Variants in INPP4B observed in about 807,000 individuals in gnomAD.
INPP4B encodes inositol polyphosphate 4-phosphatase type II.
INPP4B carries 55 observed loss-of-function variants against 122.5 expected under a neutral mutation model. The ratio of observed to expected loss-of-function variants is 0.45; its 90% CI spans 0.36 to 0.56. INPP4B has a LOEUF of 0.56. Among genes scored for constraint, INPP4B ranks in the 20% least tolerant of loss-of-function variants. INPP4B has a pLI of 0.00. For synonymous variants in INPP4B, 403 were observed against 388.7 expected (o/e 1.04, Z -0.43); for missense variants, 1,000 against 1,097.7 (o/e 0.91, Z 1.26).
intron 7 of INPP4B, among the ~76,000 whole-genome samples, chr4:142,364,347 A>G (rs1037427226): frequency 1.3e-5 from 2 of 151,962 alleles, no homozygotes; most frequent in African/African-American, 4.8e-5. Flanking sequence ...GAGAAAGAAG[A>G]CTTTGAAGAG....
chr4:142,154,858 G>A (rs1361866975), intron 17 of INPP4B, among the ~76,000 whole-genome samples: 2 of 152,060 alleles, frequency 1.3e-5, no homozygotes, highest in African/African-American at 4.8e-5. Flanking sequence ...AACAGTGAAT[G>A]AGACATTGTT....
intron 2 of INPP4B, among the ~76,000 whole-genome samples, chr4:142,641,716 T>G (rs966453766): frequency 2.0e-5 from 3 of 152,138 alleles, no homozygotes; most frequent in African/African-American, 7.2e-5. Context: ...TGAGTAGTGC[T>G]GCAATAAACA....
Position 142,199,244 on chromosome 4 carries a change from CTTGT to C in INPP4B, c.1073-6053_1073-6050del, listed in dbSNP as rs929017028. On this transcript the variant is annotated intron_variant, in intron 14 of 25. Transcript: ENST00000262992. ...TATTTAGATGCTCAATTCGGTTTGTCTTGTTTGTCATTAGATCATACAGGGAATT... is the reference window on the plus strand; with the variant it reads ...TATTTAGATGCTCAATTCGGTTTGTCTTGTCATTAGATCATACAGGGAATT... Among the ~76,000 whole-genome samples the C allele has an allele frequency of 1.1e-4, 16 of 151,952 alleles. 1 individual carries two copies. The South Asian group carries it at 2.5e-3, about 24-fold the overall frequency.
chr4:142,822,091 G>A (rs1780859711), intron 1 of INPP4B, among the ~76,000 whole-genome samples: 1 of 152,068 alleles, frequency 6.6e-6, no homozygotes, highest in African/African-American at 2.4e-5. Flanking sequence ...AGCAAAAGCT[G>A]GAGAGCTACC....
chr4:142,800,799 C>A (rs558430858), intron 1 of INPP4B, among the ~76,000 whole-genome samples: 2 of 152,096 alleles, frequency 1.3e-5, no homozygotes, highest in East Asian at 3.9e-4. Flanking sequence ...ATGCTTGGAA[C>A]GTCTTATGTT....
chr4:142,255,800 CAG>C (rs1235461053), intron 11 of INPP4B, among the ~76,000 whole-genome samples: 6 of 151,828 alleles, frequency 4.0e-5, no homozygotes, highest in African/African-American at 1.2e-4. Context: ...ATCAACGAGA[CAG>C]AAAGTCAACA....
At position 142,108,194 on chromosome 4, in the gene INPP4B, C is replaced by G. The variant is rs1788115117; in HGVS notation, c.2277-4G>C. The G allele has an allele frequency of 1.3e-6, 2 of 1,553,962 alleles. No individual in the cohort carries two copies. The highest frequency in any genetic ancestry group is 1.4e-5 in the African/African-American group (1 of 73,220). ...TTGCAAAGAGACATCTCCAAACCTA[C>G]AAACAGAAAAAAGAAAACAGCTGTG... is the stretch of plus-strand genomic sequence containing the variant. On this transcript the variant is annotated splice_polypyrimidine_tract_variant and splice_region_variant and intron_variant, in intron 22 of 25. Transcript: ENST00000262992.
At chr4:142,157,105 C>T (rs985824370) in intron 17 of INPP4B, among the ~76,000 whole-genome samples, 3 of 152,096 alleles carry the variant, frequency 2.0e-5, no homozygotes, top group African/African-American at 7.2e-5. Context: ...AGCACTGAAA[C>T]TTTTCTAACA....
intron 2 of INPP4B, among the ~76,000 whole-genome samples, chr4:142,473,088 C>G (rs1196681659): frequency 6.6e-6 from 1 of 152,158 alleles, no homozygotes; most frequent in East Asian, 1.9e-4. Flanking sequence ...AAGATTAGAT[C>G]CCTTAGGACA....
At chr4:142,415,007 T>C (rs1354274421) in intron 5 of INPP4B, among the ~76,000 whole-genome samples, 1 of 152,100 alleles carries the variant, frequency 6.6e-6, no homozygotes. Context: ...ATCTGTAGTG[T>C]TAGGATTAGG....
At chr4:142,649,504 T>C (rs1752488557) in intron 2 of INPP4B, among the ~76,000 whole-genome samples, 2 of 152,130 alleles carry the variant, frequency 1.3e-5, no homozygotes, top group Admixed American at 1.3e-4. Context: ...CTAACTAGGA[T>C]AAACAGTGTA....
intron 7 of INPP4B, among the ~76,000 whole-genome samples, chr4:142,335,984 A>G (rs1776429662): frequency 6.6e-6 from 1 of 152,180 alleles, no homozygotes; most frequent in Non-Finnish European, 1.5e-5. Context: ...TTAGACAATC[A>G]AATGGTGCTT....
chr4:142,028,836 A>AG lies in INPP4B; in HGVS notation c.2720dup (p.Lys910GlnfsTer14), dbSNP rs1737894822. 25 of 1,613,624 alleles carry AG rather than the reference A, an allele frequency of 1.5e-5. No homozygotes were observed. Among genetic ancestry groups the AG allele is most frequent in the Non-Finnish European group, 1.9e-5 (23 of 1,179,700 alleles). Reference sequence around the variant, plus strand: ...CTGGAGGTCTGTAGTACTTGGGGAAAGCCATCAGCTGTAGCATGTTGAAAG... The same window carrying AG: ...CTGGAGGTCTGTAGTACTTGGGGAAAGGCCATCAGCTGTAGCATGTTGAAAG... On this transcript the variant is annotated frameshift_variant, in exon 26 of 26. Coordinates refer to ENST00000262992, the MANE Select transcript of INPP4B (RefSeq NM_001101669.3). LOFTEE classifies it high-confidence loss of function.
intron 2 of INPP4B, among the ~76,000 whole-genome samples, chr4:142,655,000 G>C (rs1255837179): frequency 1.3e-5 from 2 of 152,086 alleles, no homozygotes; most frequent in Non-Finnish European, 2.9e-5. Flanking sequence ...TCTAGTATAT[G>C]CAACAGTCAC....
chr4:142,631,865 A>G (rs935509810), intron 2 of INPP4B, among the ~76,000 whole-genome samples: 2 of 152,146 alleles, frequency 1.3e-5, no homozygotes, highest in Non-Finnish European at 2.9e-5. Context: ...AATTGCAGAC[A>G]AATTCATTTT....
intron 2 of INPP4B, among the ~76,000 whole-genome samples, chr4:142,514,970 G>A (rs778663540): frequency 2.6e-5 from 4 of 150,980 alleles, no homozygotes; most frequent in African/African-American, 4.9e-5. Flanking sequence ...TAATTTTTGT[G>A]TTTTTAGTAG....
At chr4:142,544,440 T>A (rs1162198550) in intron 2 of INPP4B, among the ~76,000 whole-genome samples, 1 of 152,100 alleles carries the variant, frequency 6.6e-6, no homozygotes, top group Admixed American at 6.6e-5. Context: ...AGCTGGTTGC[T>A]GCAGCTGGAG....
At chr4:142,298,330 G>T (rs1432216318) in intron 9 of INPP4B, among the ~76,000 whole-genome samples, 1 of 152,100 alleles carries the variant, frequency 6.6e-6, no homozygotes, top group African/African-American at 2.4e-5. Flanking sequence ...TCAGTCTCCT[G>T]TCATGAAAGG....
intron 7 of INPP4B, among the ~76,000 whole-genome samples, chr4:142,315,597 C>T (rs6811427): frequency 0.12 from 18,206 of 151,630 alleles, 1,345 homozygotes; most frequent in Middle Eastern, 0.2. Flanking sequence ...TGTACAGCTA[C>T]TGACTCTACA....
Sources: allele counts gnomAD v4.1 joint callset (sites outside exome capture counted in the v4.1 genomes callset), GRCh38; gene constraint gnomAD v4.1.1; transcripts MANE v1.5; gene names NCBI Gene and HGNC (gene_info 2026-07-23, HGNC 2026-07-21).